Variants in SPICE1 observed in about 807,000 individuals in gnomAD.
SPICE1 encodes spindle and centriole associated protein 1.
SPICE1 carries 75 observed loss-of-function variants against 102.7 expected under a neutral mutation model. That is an observed-to-expected ratio of 0.73 (90% CI 0.61 to 0.88). The LOEUF (loss-of-function observed/expected upper bound fraction) is 0.88. SPICE1 is among the 40% of genes least tolerant of loss of function. The pLI is 0.00. For missense variants in SPICE1, 979 were observed against 1,020.1 expected, an observed-to-expected ratio of 0.96 and a Z score of 0.55; for synonymous variants, 308 against 350.3, an observed-to-expected ratio of 0.88 and a Z score of 1.35.
At chr3:113,447,932 A>G in intron 16 of SPICE1, 106 bp downstream of exon 16, 3 of 999,212 alleles carry the variant, frequency 3.0e-6, no homozygotes, top group Non-Finnish European at 4.2e-6. Context: ...GTCTGTCTCA[A>G]CCTAAGTCAG....
Position 113,515,153 on chromosome 3 carries a change from G to C in SPICE1, c.-257C>G. 1 of 172,178 alleles carries C rather than the reference G, an allele frequency of 5.8e-6. No homozygotes were observed. Among genetic ancestry groups the C allele is most frequent in the Non-Finnish European group, 1.2e-5 (1 of 80,120 alleles). The allele number at this position is 172,178 out of a possible 1,614,324, so 10.7% of individuals were successfully genotyped here. ...CGCCGGAACCGCGGAGCGCGCCACA[G>C]GTTAACCCAGCCAGCGGCTTCCGGG... On this transcript the variant is annotated 5_prime_UTR_variant, in exon 1 of 18. Transcript: ENST00000295872.
intron 12 of SPICE1, chr3:113,460,232 G>T (rs1206060592): frequency 1.8e-5 from 18 of 984,992 alleles, no homozygotes; most frequent in Non-Finnish European, 2.2e-5. Flanking sequence ...TCTAAATCTA[G>T]AGCACTGGGA....
chr3:113,450,582 T>G (rs985509292), intron 14 of SPICE1, 66 bp from the exon 15 acceptor site: 1 of 1,326,998 alleles, frequency 7.5e-7, no homozygotes, highest in Admixed American at 2.8e-5. Flanking sequence ...TCCCACGATT[T>G]TTTTTTTTTT....
intron 7 of SPICE1, among the ~76,000 whole-genome samples, chr3:113,472,973 C>G (rs528503808): frequency 1.1e-4 from 17 of 152,152 alleles, no homozygotes; most frequent in Non-Finnish European, 7.4e-5. Flanking sequence ...AGGCTTCAGA[C>G]GATCAAACTA....
chr3:113,473,968 T>G (rs12635065), intron 7 of SPICE1, among the ~76,000 whole-genome samples: 27,244 of 151,892 alleles, frequency 0.18, 3,182 homozygotes, highest in East Asian at 0.42. Context: ...GACTAAATGC[T>G]CCAATTAAAA....
intron 7 of SPICE1, among the ~76,000 whole-genome samples, chr3:113,473,360 C>CAGA (rs1936254425): frequency 1.3e-5 from 2 of 152,160 alleles, no homozygotes; most frequent in African/African-American, 2.4e-5. Context: ...GGAAAACACT[C>CAGA]TGCAGGATAT....
intron 7 of SPICE1, among the ~76,000 whole-genome samples, chr3:113,480,720 TA>T (rs929488442): frequency 2.7e-5 from 4 of 150,500 alleles, no homozygotes; most frequent in Admixed American, 1.3e-4. Flanking sequence ...TAGCATTGTT[TA>T]AAAAAAAATG....
In SPICE1 at chr3:113,494,159, G is replaced by A. The variant is rs753916568; in HGVS notation, c.292-17C>T. 6.7e-7 allele frequency: 1 copy of A among 1,496,196 alleles called. No individual in the cohort carries two copies. 92.7% of individuals were successfully genotyped at this position (1,496,196 alleles called of 1,614,324 possible). On this transcript the variant is annotated splice_polypyrimidine_tract_variant and intron_variant, in intron 4 of 17. Coordinates refer to ENST00000295872, the MANE Select transcript of SPICE1 (RefSeq NM_144718.4). ...AGAAAGAATCTAGACATGTGTTAAT[G>A]ACAAATATTATTATTCAGATTATAT...
intron 7 of SPICE1, among the ~76,000 whole-genome samples, chr3:113,478,036 A>T (rs547095414): frequency 3.1e-4 from 47 of 152,118 alleles, no homozygotes; most frequent in Non-Finnish European, 5.7e-4. Context: ...AGAAAACAAG[A>T]TTAAGGGCTC....
chr3:113,501,197 G>C (rs1214097939), intron 3 of SPICE1, among the ~76,000 whole-genome samples: 1 of 152,114 alleles, frequency 6.6e-6, no homozygotes, highest in East Asian at 1.9e-4. Context: ...TTTGGACAAT[G>C]ATTATCCTTT....
intron 1 of SPICE1, among the ~76,000 whole-genome samples, chr3:113,513,983 T>C (rs1270672552): frequency 5.3e-5 from 8 of 152,256 alleles, no homozygotes; most frequent in Non-Finnish European, 1.0e-4. Context: ...GCCATGAAAG[T>C]ACCTAACTAA....
intron 7 of SPICE1, among the ~76,000 whole-genome samples, chr3:113,486,304 G>C (rs1364010589): frequency 6.7e-6 from 1 of 148,962 alleles, no homozygotes; most frequent in Non-Finnish European, 1.5e-5. Flanking sequence ...AGAGAAGCAA[G>C]AGCAAACAAA....
At chr3:113,503,099 A>T in intron 3 of SPICE1, 81 bp downstream of exon 3, 1 of 1,422,510 alleles carries the variant, frequency 7.0e-7, no homozygotes, top group Middle Eastern at 2.1e-4. Flanking sequence ...GGAAGTGCCT[A>T]TAGTTTCTAT....
Position 113,500,514 on chromosome 3 carries a change from T to C in SPICE1, c.148-932A>G, listed in dbSNP as rs144667017. On this transcript the variant is annotated intron_variant, in intron 3 of 17. Coordinates refer to ENST00000295872, the MANE Select transcript of SPICE1 (RefSeq NM_144718.4). ...ATGTAATAATGGCACTGTGGTTATGTTGAAAAAAAAAAGGCTTACATTTTT... is the reference window on the plus strand; with the variant it reads ...ATGTAATAATGGCACTGTGGTTATGCTGAAAAAAAAAAGGCTTACATTTTT... 5.4e-3 allele frequency among the ~76,000 whole-genome samples: 821 copies of C among 151,588 alleles called. 8 individuals carry two copies. Among genetic ancestry groups the C allele is most frequent in the African/African-American group, 0.019 (787 of 41,300 alleles).
chr3:113,506,523 AC>A lies in SPICE1; in HGVS notation c.82del (p.Val28Ter). 1 of 1,612,950 alleles carries A rather than the reference AC, an allele frequency of 6.2e-7. No homozygotes were observed. Among genetic ancestry groups the A allele is most frequent in the Non-Finnish European group, 8.5e-7 (1 of 1,179,354 alleles). On this transcript the variant is annotated frameshift_variant, in exon 2 of 18. Transcript: ENST00000295872. LOFTEE classifies it high-confidence loss of function. Reference protein sequence around the residue: ...TPKVKKKKTSVKQEWDNTVTD... With the variant: ...TPKVKKKKTSXKQEWDNTVTD... ...TATACTCACATCCCATTCTTGTTTC[AC>A]TGAAGTTTTCTTCTTCTTTACTTTC...
chr3:113,455,339 C>A (rs1224313994), intron 13 of SPICE1, among the ~76,000 whole-genome samples: 3 of 152,150 alleles, frequency 2.0e-5, no homozygotes, highest in Non-Finnish European at 4.4e-5. Context: ...AGAAATAAAT[C>A]AATAGCTAGA....
intron 3 of SPICE1, among the ~76,000 whole-genome samples, chr3:113,502,079 T>C (rs1458965466): frequency 6.6e-6 from 1 of 152,132 alleles, no homozygotes; most frequent in African/African-American, 2.4e-5. Flanking sequence ...TTATAAGGAA[T>C]AAAGAACTAC....
At chr3:113,445,674 C>G (rs9682014) in intron 17 of SPICE1, among the ~76,000 whole-genome samples, 6,274 of 152,102 alleles carry the variant, frequency 0.041, 425 homozygotes, top group African/African-American at 0.14. Flanking sequence ...AAATTAAATG[C>G]TACTAAATTC....
Position 113,468,353 on chromosome 3 carries a change from GAT to G in SPICE1, c.939_940del (p.Ser314IlefsTer3). The G allele has an allele frequency of 6.2e-7, 1 of 1,614,128 alleles. No homozygotes were observed. The highest frequency in any genetic ancestry group is 2.2e-5 in the East Asian group (1 of 44,888). On this transcript the variant is annotated frameshift_variant, in exon 10 of 18. Transcript: ENST00000295872. LOFTEE classifies it high-confidence loss of function. ...GTCTGCAGAGGTTGTGCTACCTGAT[GAT>G]ATGTTTTTCTTCGGCTTGGAAAGAG...
Sources: gnomAD v4.1 joint callset for allele counts (sites outside exome capture counted in the v4.1 genomes callset) on GRCh38, gnomAD v4.1.1 for gene constraint, MANE v1.5 for transcripts, NCBI Gene and HGNC (gene_info 2026-07-23, HGNC 2026-07-21) for gene names.